The following E2F3 variants were observed in gnomAD, a reference collection of about 807,000 sequenced individuals.
E2F3 encodes the protein transcription factor E2F3.
Under a neutral mutation model 44.4 loss-of-function variants are expected in E2F3, and 11 were observed. The ratio of observed to expected loss-of-function variants is 0.25; its 90% confidence interval spans 0.16 to 0.41. The LOEUF (loss-of-function observed/expected upper bound fraction) is 0.41. E2F3 is among the 10% of genes least tolerant of loss of function. The pLI, the probability that E2F3 is intolerant of heterozygous loss-of-function variation, is 1.00. For synonymous variants in E2F3, 249 were observed against 253.0 expected, an observed-to-expected ratio of 0.98 and a Z score of 0.15; for missense variants, 487 against 583.6, an observed-to-expected ratio of 0.83 and a Z score of 1.70.
chr6:20,430,134 A>G lies in E2F3; in HGVS notation c.393+27509A>G, dbSNP rs189581410. 3.2e-3 allele frequency among the ~76,000 whole-genome samples: 480 copies of G among 152,332 alleles called. 3 individuals are homozygous for G. Among genetic ancestry groups the G allele is most frequent in the Admixed American group, 5.0e-3 (76 of 15,302 alleles). On this transcript the variant is annotated intron_variant, in intron 1 of 6. Transcript: ENST00000346618. The stretch of plus-strand genomic sequence containing the variant: ...TTTTTCCATTCTGGAATATTATGAT[A>G]GGGTTACCAGATAAAATACACGATG...
At chr6:20,417,892 T>TAA (rs770155839) in intron 1 of E2F3, among the ~76,000 whole-genome samples, 29 of 152,154 alleles carry the variant, frequency 1.9e-4, no homozygotes, top group Non-Finnish European at 3.8e-4. Flanking sequence ...GGTGGGCATT[T>TAA]CCTCTCTCTT....
chr6:20,455,814 T>C (rs929485031), intron 1 of E2F3, among the ~76,000 whole-genome samples: 1 of 152,116 alleles, frequency 6.6e-6, no homozygotes, highest in Non-Finnish European at 1.5e-5. Context: ...CTCATCCCTT[T>C]TACAACTCCA....
At chr6:20,441,153 A>G (rs1754963793) in intron 1 of E2F3, among the ~76,000 whole-genome samples, 1 of 152,202 alleles carries the variant, frequency 6.6e-6, no homozygotes, top group South Asian at 2.1e-4. Context: ...CCATTGAACA[A>G]TAACTCCCCT....
rs189647921 is a variant in E2F3, at chr6:20,415,098, A to G, written c.393+12473A>G. Among the ~76,000 whole-genome samples the G allele has an allele frequency of 6.8e-4, 104 of 152,298 alleles. 2 individuals are homozygous for G. Among genetic ancestry groups the G allele is most frequent in the African/African-American group, 2.5e-3 (104 of 41,564 alleles). ...CGGCATTTTTACCTCCTTCAGGGAA[A>G]ACTATTGGACAGGCTCTTACTGAAC... On this transcript the variant is annotated intron_variant, in intron 1 of 6. Transcript: ENST00000346618.
At chr6:20,471,281 G>A (rs1218029208) in intron 1 of E2F3, among the ~76,000 whole-genome samples, 3 of 152,054 alleles carry the variant, frequency 2.0e-5, no homozygotes, top group South Asian at 4.1e-4. Flanking sequence ...CTGAGGTTGG[G>A]CATTTATGTT....
chr6:20,406,005 A>T (rs953708867), intron 1 of E2F3, among the ~76,000 whole-genome samples: 4 of 152,146 alleles, frequency 2.6e-5, no homozygotes, highest in Admixed American at 1.3e-4. Flanking sequence ...GAAAGACAGG[A>T]TGGGGAAAGC....
intron 6 of E2F3, among the ~76,000 whole-genome samples, chr6:20,489,677 A>G (rs1338898400): frequency 1.3e-5 from 2 of 152,158 alleles, no homozygotes; most frequent in Non-Finnish European, 2.9e-5. Flanking sequence ...TGAGTAGACT[A>G]GGGCCAAAGA....
intron 1 of E2F3, chr6:20,445,086 C>T (rs777350981): frequency 1.0e-5 from 10 of 985,272 alleles, no homozygotes; most frequent in South Asian, 9.4e-5. Context: ...CCTCCTCAGT[C>T]GGGCTGGAGA....
chr6:20,423,606 G>T (rs1181654451), intron 1 of E2F3, among the ~76,000 whole-genome samples: 3 of 151,728 alleles, frequency 2.0e-5, no homozygotes, highest in African/African-American at 7.3e-5. Flanking sequence ...AAGTAACTGG[G>T]ATTACAGGCG....
chr6:20,490,165 C>T lies in E2F3; in HGVS notation c.1136-3C>T. The T allele has an allele frequency of 6.4e-7, 1 of 1,553,814 alleles. No individual in the cohort carries two copies. The highest frequency in any genetic ancestry group is 8.7e-7 in the Non-Finnish European group (1 of 1,151,620). On this transcript the variant is annotated splice_polypyrimidine_tract_variant and splice_region_variant and intron_variant, in intron 6 of 6. Transcript: ENST00000346618. The surrounding 1 kb of genome is among the most constrained non-coding windows in gnomAD (Gnocchi z 4.3). The stretch of plus-strand genomic sequence containing the variant: ...TTTGTTTCCATCAATGTTTTCTTTT[C>T]AGACTTGGCTTCAACCAACTCAGGA...
At chr6:20,404,062 T>C (rs1250600574) in intron 1 of E2F3, among the ~76,000 whole-genome samples, 3 of 151,672 alleles carry the variant, frequency 2.0e-5, no homozygotes, top group African/African-American at 7.3e-5. Context: ...GGGTATGGTG[T>C]TTACGTGGAT....
chr6:20,407,309 A>G (rs1561845650), intron 1 of E2F3, among the ~76,000 whole-genome samples: 1 of 152,196 alleles, frequency 6.6e-6, no homozygotes, highest in African/African-American at 2.4e-5. Flanking sequence ...TATAATCAGT[A>G]CCAAGGGCGC....
intron 4 of E2F3, among the ~76,000 whole-genome samples, chr6:20,483,685 T>G (rs1762304497): frequency 1.3e-5 from 2 of 152,228 alleles, no homozygotes; most frequent in Non-Finnish European, 2.9e-5. Context: ...AGAGAGAGAT[T>G]GCCTCATTAT....
At chr6:20,449,285 C>T (rs997596397) in intron 1 of E2F3, among the ~76,000 whole-genome samples, 4 of 152,162 alleles carry the variant, frequency 2.6e-5, no homozygotes, top group Admixed American at 6.5e-5. Context: ...CTGCCTACTA[C>T]GCCTTTTATA....
At chr6:20,416,428 G>A (rs1465316104) in intron 1 of E2F3, among the ~76,000 whole-genome samples, 5 of 152,210 alleles carry the variant, frequency 3.3e-5, no homozygotes, top group African/African-American at 9.7e-5. Context: ...CTGCCTCTGT[G>A]TGGTTTGTGT....
chr6:20,466,685 CTTTTT>C (rs35856468), intron 1 of E2F3, among the ~76,000 whole-genome samples: 2 of 127,696 alleles, frequency 1.6e-5, no homozygotes, highest in Non-Finnish European at 3.4e-5. Flanking sequence ...TCGGTGTGTT[CTTTTT>C]TTTTTTTTTT....
chr6:20,402,889 G>GC lies in E2F3; in HGVS notation c.393+271dup, dbSNP rs968915746. Among the ~76,000 whole-genome samples the GC allele has an allele frequency of 9.2e-5, 14 of 152,218 alleles. No individual in the cohort carries two copies. Among genetic ancestry groups the GC allele is most frequent in the African/African-American group, 2.6e-4 (11 of 41,534 alleles). ...ATCAAACACTCCAAAACTTTTCGCGGCCCCCCCTTCTTTTCCTGCACTTTT... is the reference window on the plus strand; with the variant it reads ...ATCAAACACTCCAAAACTTTTCGCGGCCCCCCCCTTCTTTTCCTGCACTTTT... On this transcript the variant is annotated intron_variant, in intron 1 of 6. Transcript: ENST00000346618. The surrounding 1 kb of genome is among the most constrained non-coding windows in gnomAD (Gnocchi z 5.6).
chr6:20,416,589 G>A (rs1169611868), intron 1 of E2F3, among the ~76,000 whole-genome samples: 1 of 152,150 alleles, frequency 6.6e-6, no homozygotes, highest in African/African-American at 2.4e-5. Flanking sequence ...TTTTCAGGTT[G>A]TACTCCAGAC....
chr6:20,440,473 A>G (rs1005367932), intron 1 of E2F3, among the ~76,000 whole-genome samples: 4 of 152,134 alleles, frequency 2.6e-5, no homozygotes, highest in Non-Finnish European at 4.4e-5. Flanking sequence ...GCTCCCGAGT[A>G]TTTAGAGTGA....
Sources: gnomAD v4.1 joint callset for allele counts (sites outside exome capture counted in the v4.1 genomes callset) on GRCh38, gnomAD v4.1.1 for gene constraint, Gnocchi (gnomAD v3.1) non-coding constraint, MANE v1.5 for transcripts, NCBI Gene and HGNC (gene_info 2026-07-23, HGNC 2026-07-21) for gene names.